Variants in FANCD2 observed in about 807,000 individuals in gnomAD.
The protein encoded by FANCD2 is FA complementation group D2, also known as Fanconi anemia group D2 protein.
FANCD2 carries 131 observed loss-of-function variants against 192.3 expected under a neutral mutation model. The ratio of observed to expected loss-of-function variants is 0.68; its 90% CI spans 0.59 to 0.79. The LOEUF is 0.79. Among genes scored for constraint, FANCD2 ranks in the 30% least tolerant of loss-of-function variants. FANCD2 has a pLI of 0.00. For synonymous variants in FANCD2, 524 were observed against 612.5 expected (o/e 0.86, Z 2.13); for missense variants, 1,508 against 1,701.6 (o/e 0.89, Z 2.00).
chr3:10,052,372 T>A lies in FANCD2; in HGVS notation c.1546-15T>A. On this transcript the variant is annotated splice_polypyrimidine_tract_variant and intron_variant, in intron 17 of 43. Coordinates refer to ENST00000675286, the MANE Select transcript of FANCD2 (RefSeq NM_001018115.3). ...TTAGCTGCTAGCCTCATTGTTGGCATCATTTTTTCCACAGGGCATTTTAGA... is the reference window on the plus strand; with the variant it reads ...TTAGCTGCTAGCCTCATTGTTGGCAACATTTTTTCCACAGGGCATTTTAGA... 1 of 1,502,068 alleles carries A rather than the reference T, an allele frequency of 6.7e-7. No homozygotes were observed. Among genetic ancestry groups the A allele is most frequent in the Non-Finnish European group, 9.3e-7 (1 of 1,077,958 alleles). The allele number at this position is 1,502,068 out of a possible 1,614,324, so 93.0% of individuals were successfully genotyped here.
At chr3:10,054,473 A>ATATATAT (rs1234910933) in intron 18 of FANCD2, among the ~76,000 whole-genome samples, 5 of 8,410 alleles carry the variant, frequency 5.9e-4, no homozygotes, top group Non-Finnish European at 8.8e-4. Context: ...ATATATATAT[A>ATATATAT]TTTTTTTTTT....
intron 31 of FANCD2, 42 bp from the exon 32 acceptor site, chr3:10,081,304 C>CA (rs1693820741): frequency 1.2e-5 from 20 of 1,611,198 alleles, no homozygotes; most frequent in Non-Finnish European, 1.6e-5. Context: ...AAAATGAGGA[C>CA]AATTACTGAA....
chr3:10,046,912 A>G (rs1261064971), intron 15 of FANCD2, among the ~76,000 whole-genome samples, 189 bp downstream of exon 15: 23 of 152,276 alleles, frequency 1.5e-4, no homozygotes, highest in Admixed American at 1.4e-3. Context: ...TCCGTATCCT[A>G]TTTAAGTAGC....
At chr3:10,062,388 G>A (rs993588044) in intron 20 of FANCD2, among the ~76,000 whole-genome samples, 177 bp downstream of exon 20, 1 of 151,738 alleles carries the variant, frequency 6.6e-6, no homozygotes, top group African/African-American at 2.4e-5. Context: ...TTACAGGCAC[G>A]CACCACCACA....
intron 20 of FANCD2, among the ~76,000 whole-genome samples, chr3:10,063,282 A>G (rs1390590123): frequency 1.3e-5 from 2 of 152,038 alleles, no homozygotes; most frequent in Non-Finnish European, 2.9e-5. Flanking sequence ...TAAAAGTACA[A>G]AAAAATTAGC....
At chr3:10,038,864 A>T (rs1256647859) in intron 7 of FANCD2, among the ~76,000 whole-genome samples, 6 of 152,170 alleles carry the variant, frequency 3.9e-5, no homozygotes, top group Non-Finnish European at 8.8e-5. Flanking sequence ...TACAGGCATG[A>T]GCCACTGCAT....
chr3:10,069,518 G>A (rs1184692961), intron 26 of FANCD2, among the ~76,000 whole-genome samples: 1 of 124,990 alleles, frequency 8.0e-6, no homozygotes, highest in Non-Finnish European at 1.6e-5. Flanking sequence ...CCGAGCCAAA[G>A]CTGGACTGTA....
intron 30 of FANCD2, among the ~76,000 whole-genome samples, chr3:10,078,590 G>A (rs1693658755): frequency 6.6e-6 from 1 of 151,390 alleles, no homozygotes; most frequent in African/African-American, 2.4e-5. Flanking sequence ...TCCTGACCTT[G>A]TGATCCGCCC....
intron 19 of FANCD2, among the ~76,000 whole-genome samples, chr3:10,060,696 A>G (rs1223897595): frequency 6.6e-6 from 1 of 152,150 alleles, no homozygotes; most frequent in South Asian, 2.1e-4. Flanking sequence ...TTTAGAATGC[A>G]TTTTTCTTTA....
chr3:10,060,502 A>G, intron 19 of FANCD2, 99 bp downstream of exon 19: 1 of 887,664 alleles, frequency 1.1e-6, no homozygotes, highest in African/African-American at 1.6e-5. Context: ...AGAAGTTACA[A>G]CTATAAATGA....
chr3:10,060,065 G>A (rs1387082583), intron 18 of FANCD2, among the ~76,000 whole-genome samples: 1 of 151,790 alleles, frequency 6.6e-6, no homozygotes, highest in Non-Finnish European at 1.5e-5. Flanking sequence ...TACCCAGGAG[G>A]CTGAGGCAGG....
At position 10,094,371 on chromosome 3, in the gene FANCD2, C is replaced by A; in HGVS notation, c.3963+8C>A. The A allele has an allele frequency of 6.2e-7, 1 of 1,610,430 alleles. No homozygotes were observed. Among genetic ancestry groups the A allele is most frequent in the Non-Finnish European group, 8.5e-7 (1 of 1,176,766 alleles). ...AGTTTTAGAAAACACCGGGTAAGAG[C>A]TAAGAGCAGAGAACAAAGATATGCA... On this transcript the variant is annotated splice_region_variant and intron_variant, in intron 40 of 43. Coordinates refer to ENST00000675286, the MANE Select transcript of FANCD2 (RefSeq NM_001018115.3).
intron 15 of FANCD2, among the ~76,000 whole-genome samples, chr3:10,047,160 G>C (rs1575758082): frequency 6.6e-6 from 1 of 151,738 alleles, no homozygotes; most frequent in Admixed American, 6.6e-5. Context: ...CCAGTGGTTT[G>C]GGGTTTGGGT....
At position 10,042,582 on chromosome 3, in the gene FANCD2, G is replaced by A; in HGVS notation, c.807G>A (p.Lys269=). Residue 269 remains lysine (K), a synonymous_variant, in exon 11 of 44, where the codon AAG becomes AAA. Transcript: ENST00000675286. ...AGGTTCGCCAGTTGGTGATGGATAA[G>A]TTGTCGTCTATTAGATTGGAGGATT... ...LLKVRQLVMD[K]LSSIRLEDLP... 1 of 1,614,046 alleles carries A rather than the reference G, an allele frequency of 6.2e-7. No homozygotes were observed. Among genetic ancestry groups the A allele is most frequent in the East Asian group, 2.2e-5 (1 of 44,854 alleles).
intron 28 of FANCD2, 93 bp from the exon 29 acceptor site, chr3:10,074,437 A>T (rs1693422690): frequency 1.7e-6 from 2 of 1,176,110 alleles, no homozygotes; most frequent in Non-Finnish European, 2.4e-6. Context: ...TTTTGCATTA[A>T]ATAAATGCAT....
intron 26 of FANCD2, among the ~76,000 whole-genome samples, chr3:10,070,021 G>A (rs1386259489): frequency 1.7e-4 from 25 of 150,538 alleles, no homozygotes; most frequent in Middle Eastern, 6.5e-3. Flanking sequence ...AGTGAGGAGC[G>A]TCTCTGCCCG....
Position 10,026,458 on chromosome 3 carries a change from C to A in FANCD2, c.-49C>A. ...TGGCGGGAAAGTCGAAAACTACGGG[C>A]GGCGACGGCTTCTCGGTGAGTAAGT... On this transcript the variant is annotated 5_prime_UTR_variant, in exon 1 of 44. Transcript: ENST00000675286. 2.2e-6 allele frequency: 1 copy of A among 451,068 alleles called. No homozygotes were observed. The highest frequency in any genetic ancestry group is 9.3e-5 in the South Asian group (1 of 10,784). 27.9% of individuals were successfully genotyped at this position (451,068 alleles called of 1,614,324 possible). A position where few individuals can be genotyped will look rare whatever the true frequency, so the allele number is the denominator to read the frequency against.
In FANCD2 at chr3:10,079,263, T is replaced by A. The variant is rs532327351; in HGVS notation, c.2976+1066T>A. On this transcript the variant is annotated intron_variant, in intron 30 of 43. Coordinates refer to ENST00000675286, the MANE Select transcript of FANCD2 (RefSeq NM_001018115.3). ...TGTCTCAGAAATAAAAAAAAAAAAA[T>A]AGGAAGTCTGAAACAGAAAATAGAA... is the stretch of plus-strand genomic sequence containing the variant. 9.3e-5 allele frequency among the ~76,000 whole-genome samples: 14 copies of A among 150,342 alleles called. No individual in the cohort carries two copies. In the South Asian group the frequency reaches 2.8e-3, roughly 30 times the overall value.
chr3:10,071,938 T>C (rs924567108), intron 26 of FANCD2, among the ~76,000 whole-genome samples: 72 of 143,528 alleles, frequency 5.0e-4, no homozygotes, highest in Non-Finnish European at 5.6e-4. Context: ...TTTTGTACTT[T>C]TGGTGCAGAT....
Sources: gnomAD v4.1 joint callset for allele counts (sites outside exome capture counted in the v4.1 genomes callset) on GRCh38, gnomAD v4.1.1 for gene constraint, MANE v1.5 for transcripts, NCBI Gene and HGNC (gene_info 2026-07-23, HGNC 2026-07-21) for gene names.